Variants in GABRB2 observed in about 807,000 individuals in gnomAD.
GABRB2 encodes the protein gamma-aminobutyric acid type A receptor subunit beta2.
A neutral mutation model predicts 54.7 loss-of-function variants in GABRB2; 16 were observed. The ratio of observed to expected loss-of-function variants is 0.29; its 90% CI spans 0.20 to 0.44. The LOEUF is 0.44. GABRB2 is among the 20% of genes least tolerant of loss of function. The pLI is 1.00. For missense variants in GABRB2, 355 were observed against 644.0 expected, an observed-to-expected ratio of 0.55 and a Z score of 4.86; for synonymous variants, 244 against 233.8, an observed-to-expected ratio of 1.04 and a Z score of -0.40.
At chr5:161,492,127 T>C (rs1759105100) in intron 3 of GABRB2, among the ~76,000 whole-genome samples, 2 of 151,712 alleles carry the variant, frequency 1.3e-5, no homozygotes, top group African/African-American at 4.8e-5. Flanking sequence ...ATGCCTTTAC[T>C]GTAAGATCTC....
intron 3 of GABRB2, among the ~76,000 whole-genome samples, chr5:161,479,585 ATT>A (rs10691457): frequency 8.0e-5 from 11 of 137,644 alleles, no homozygotes; most frequent in Admixed American, 1.5e-4. Context: ...CATTGAAACA[ATT>A]TTTTTTTTTT....
At chr5:161,454,396 T>C (rs1009602032) in intron 4 of GABRB2, among the ~76,000 whole-genome samples, 27 of 152,286 alleles carry the variant, frequency 1.8e-4, no homozygotes, top group African/African-American at 6.3e-4. Context: ...GAATTTTCTT[T>C]AGCGGTTTTC....
intron 5 of GABRB2, among the ~76,000 whole-genome samples, chr5:161,380,494 C>T (rs549186361): frequency 6.6e-6 from 1 of 152,278 alleles, no homozygotes; most frequent in South Asian, 2.1e-4. Flanking sequence ...ATTGCATTTG[C>T]AGGTAACAAC....
In GABRB2 at chr5:161,289,402, CT is replaced by C. The variant is rs143935580; in HGVS notation, c.*4678del. 4 of 145,728 alleles carry C rather than the reference CT, an allele frequency of 2.7e-5. No individual in the cohort carries two copies. Among genetic ancestry groups the C allele is most frequent in the African/African-American group, 1.0e-4 (4 of 39,316 alleles). The allele number at this position is 145,728 out of a possible 1,614,324, so 9.0% of individuals were successfully genotyped here. ...CCCCCATTATCTCATTTTTTTTTTC[CT>C]TTTTTGTTTTTCAATAATTCTGGAG... On this transcript the variant is annotated 3_prime_UTR_variant, in exon 10 of 10. Transcript: ENST00000393959.
chr5:161,497,435 A>G (rs959013256), intron 3 of GABRB2, among the ~76,000 whole-genome samples: 1 of 152,000 alleles, frequency 6.6e-6, no homozygotes, highest in African/African-American at 2.4e-5. Flanking sequence ...CTGGAAACTA[A>G]TCTGAACTCA....
At chr5:161,451,516 G>T (rs901989902) in intron 4 of GABRB2, among the ~76,000 whole-genome samples, 5 of 152,036 alleles carry the variant, frequency 3.3e-5, no homozygotes, top group Non-Finnish European at 7.4e-5. Flanking sequence ...ACAACTATAA[G>T]ATTATAAATT....
intron 9 of GABRB2, among the ~76,000 whole-genome samples, chr5:161,315,243 A>G (rs1757987624): frequency 6.6e-6 from 1 of 152,208 alleles, no homozygotes; most frequent in South Asian, 2.1e-4. Flanking sequence ...ATTGATTGTG[A>G]TTCTTATGCT....
intron 4 of GABRB2, among the ~76,000 whole-genome samples, chr5:161,416,696 CAAAAAAAAAAAAAA>C (rs70990782): frequency 8.5e-5 from 3 of 35,120 alleles, no homozygotes; most frequent in Non-Finnish European, 2.1e-4. Context: ...GACTCCGTCT[CAAAAAAAAAAAAAA>C]AAAAAAAAAA....
At chr5:161,349,253 A>T (rs886848333) in intron 5 of GABRB2, among the ~76,000 whole-genome samples, 3 of 151,036 alleles carry the variant, frequency 2.0e-5, no homozygotes, top group Admixed American at 6.6e-5. Context: ...AAATAAACTT[A>T]AAAAAAAACC....
intron 4 of GABRB2, among the ~76,000 whole-genome samples, chr5:161,433,466 C>T (rs947096288): frequency 2.7e-5 from 4 of 149,564 alleles, no homozygotes; most frequent in African/African-American, 9.9e-5. Context: ...AAAAAATAGT[C>T]GGGCAAGGTG....
intron 5 of GABRB2, among the ~76,000 whole-genome samples, chr5:161,410,006 C>T (rs1455921881): frequency 6.6e-6 from 1 of 152,054 alleles, no homozygotes; most frequent in East Asian, 1.9e-4. Context: ...GTCACAAATG[C>T]CATATTTCTG....
At chr5:161,431,694 G>T (rs188642477) in intron 4 of GABRB2, among the ~76,000 whole-genome samples, 1 of 152,132 alleles carries the variant, frequency 6.6e-6, no homozygotes, top group Non-Finnish European at 1.5e-5. Context: ...CTCTAAAACT[G>T]TTTGTTCTTT....
chr5:161,465,948 C>T (rs1581009484), intron 3 of GABRB2, among the ~76,000 whole-genome samples: 1 of 152,048 alleles, frequency 6.6e-6, no homozygotes, highest in East Asian at 1.9e-4. Flanking sequence ...TACACTATCT[C>T]TCATATCAAT....
At chr5:161,509,050 G>C (rs1048035941) in intron 3 of GABRB2, among the ~76,000 whole-genome samples, 1 of 151,744 alleles carries the variant, frequency 6.6e-6, no homozygotes, top group Non-Finnish European at 1.5e-5. Flanking sequence ...GCTATATAAA[G>C]AAATGAGGCA....
In GABRB2 at chr5:161,385,947, GGTGTGTGTGTGTGTGTGTGT is replaced by G. The variant is rs70990781; in HGVS notation, c.541+25008_541+25027del. ...TTTTAGTAACTGTTACCTATTGTCT[GGTGTGTGTGTGTGTGTGTGT>G]GTGTGTGTGTGTGTGTGTGTGTGTG... On this transcript the variant is annotated intron_variant, in intron 5 of 9. Transcript: ENST00000393959. Among the ~76,000 whole-genome samples, 151 of 93,414 alleles carry G rather than the reference GGTGTGTGTGTGTGTGTGTGT, an allele frequency of 1.6e-3. 2 individuals are homozygous for G. In the East Asian group the frequency reaches 0.019, roughly 12 times the overall value. 61.3% of individuals were successfully genotyped at this position (93,414 alleles called of 152,430 possible). A position where few individuals can be genotyped will look rare whatever the true frequency, so the allele number is the denominator to read the frequency against.
intron 5 of GABRB2, among the ~76,000 whole-genome samples, chr5:161,398,249 G>C (rs1756066535): frequency 6.6e-6 from 1 of 152,120 alleles, no homozygotes; most frequent in South Asian, 2.1e-4. Flanking sequence ...CCTATATCTG[G>C]AGTAAACTTT....
At chr5:161,491,342 C>T (rs375141586) in intron 3 of GABRB2, among the ~76,000 whole-genome samples, 5 of 151,650 alleles carry the variant, frequency 3.3e-5, no homozygotes, top group African/African-American at 1.2e-4. Context: ...ATGGCACTTA[C>T]CATTAGTTAG....
intron 5 of GABRB2, among the ~76,000 whole-genome samples, chr5:161,383,534 C>G (rs765635421): frequency 6.6e-6 from 1 of 152,148 alleles, no homozygotes; most frequent in Non-Finnish European, 1.5e-5. Context: ...CCCTTCACCA[C>G]TTATTAATTG....
At chr5:161,442,787 C>A (rs1343043905) in intron 4 of GABRB2, among the ~76,000 whole-genome samples, 1 of 151,936 alleles carries the variant, frequency 6.6e-6, no homozygotes, top group African/African-American at 2.4e-5. Flanking sequence ...ATCTCAGAGT[C>A]CCCTTCTAGC....
Sources: gnomAD v4.1 joint callset for allele counts (sites outside exome capture counted in the v4.1 genomes callset) on GRCh38, gnomAD v4.1.1 for gene constraint, MANE v1.5 for transcripts, NCBI Gene and HGNC (gene_info 2026-07-23, HGNC 2026-07-21) for gene names.